The following NDUFAF6 variants were observed in gnomAD, a reference collection of about 807,000 sequenced individuals.
NDUFAF6 encodes NADH dehydrogenase (ubiquinone) complex I, assembly factor 6.
A neutral mutation model predicts 40.8 loss-of-function variants in NDUFAF6; 45 were observed. The ratio of observed to expected loss-of-function variants is 1.10; its 90% confidence interval spans 0.87 to 1.42. NDUFAF6 has a LOEUF of 1.42. Among genes scored for constraint, NDUFAF6 ranks in the 40% most tolerant of loss-of-function variants. The probability of loss-of-function intolerance (pLI) is 0.00; values close to 1 mark genes in which losing one functional copy is unlikely to be tolerated. For missense variants in NDUFAF6, 435 were observed against 418.5 expected, an observed-to-expected ratio of 1.04 and a Z score of -0.34; for synonymous variants, 185 against 155.9, an observed-to-expected ratio of 1.19 and a Z score of -1.39.
chr8:94,992,817 TA>T (rs1826254679), intron 2 of NDUFAF6, among the ~76,000 whole-genome samples: 1 of 152,186 alleles, frequency 6.6e-6, no homozygotes, highest in Non-Finnish European at 1.5e-5. Flanking sequence ...TCTCTTGCCT[TA>T]AAAAACAGGC....
downstream of NDUFAF6, among the ~76,000 whole-genome samples, chr8:95,062,594 A>G (rs1832598966): frequency 6.6e-6 from 1 of 152,216 alleles, no homozygotes; most frequent in South Asian, 2.1e-4. Context: ...TGCTTACTCT[A>G]AATACTTGTG....
chr8:95,036,251 A>C, intron 3 of NDUFAF6: 1 of 1,208,122 alleles, frequency 8.3e-7, no homozygotes, highest in South Asian at 1.4e-5. Context: ...TGAGAGGAGG[A>C]AGGGAATTAG....
downstream of NDUFAF6, among the ~76,000 whole-genome samples, chr8:95,117,907 G>A (rs1233793525): frequency 6.6e-6 from 1 of 152,212 alleles, no homozygotes; most frequent in Non-Finnish European, 1.5e-5. Flanking sequence ...TGATTTCCAT[G>A]TGTTCAAACT....
intron 2 of NDUFAF6, among the ~76,000 whole-genome samples, chr8:95,083,766 A>T (rs942416367): frequency 3.3e-5 from 5 of 152,232 alleles, no homozygotes; most frequent in African/African-American, 1.2e-4. Flanking sequence ...ATTTCTAAAT[A>T]ACTGTAACAA....
chr8:95,107,288 C>T (rs1041594191), downstream of NDUFAF6, among the ~76,000 whole-genome samples: 2 of 152,160 alleles, frequency 1.3e-5, no homozygotes, highest in Admixed American at 6.5e-5. Flanking sequence ...CCATGGAATA[C>T]TATACAGCCA....
intron 2 of NDUFAF6, among the ~76,000 whole-genome samples, chr8:95,001,239 C>A (rs1407893983): frequency 1.3e-5 from 2 of 152,082 alleles, no homozygotes; most frequent in African/African-American, 4.8e-5. Context: ...CAGGAGTGAA[C>A]CACTGTGCCT....
intron 2 of NDUFAF6, among the ~76,000 whole-genome samples, chr8:95,011,098 G>C (rs1210784781): frequency 6.6e-6 from 1 of 152,224 alleles, no homozygotes; most frequent in African/African-American, 2.4e-5. Flanking sequence ...TCCTTAGGGA[G>C]CTGTAAACGG....
intron 4 of NDUFAF6, among the ~76,000 whole-genome samples, chr8:95,109,574 T>TTAGA (rs1428986832): frequency 2.4e-5 from 1 of 42,434 alleles, no homozygotes; most frequent in African/African-American, 1.4e-4. Flanking sequence ...AGATGTAGCG[T>TTAGA]TAGATAGATA....
At chr8:95,004,210 AGCT>A (rs1826858438) in intron 2 of NDUFAF6, among the ~76,000 whole-genome samples, 1 of 152,046 alleles carries the variant, frequency 6.6e-6, no homozygotes, top group South Asian at 2.1e-4. Flanking sequence ...TGAGTTTCTG[AGCT>A]GCCTCCCTTC....
At chr8:94,904,209 T>C (rs967292662) in intron 1 of NDUFAF6, among the ~76,000 whole-genome samples, 5 of 151,572 alleles carry the variant, frequency 3.3e-5, no homozygotes, top group Non-Finnish European at 7.4e-5. Context: ...AGTGGCGCGA[T>C]CTCGGCTCAC....
At position 94,990,198 on chromosome 8, in the gene NDUFAF6, T is replaced by C. The variant is rs76228919; in HGVS notation, c.-84+9225T>C. Among the ~76,000 whole-genome samples the C allele has an allele frequency of 9.0e-3, 1,373 of 152,354 alleles. 20 individuals are homozygous for C. Among genetic ancestry groups the C allele is most frequent in the African/African-American group, 0.031 (1,287 of 41,582 alleles). On this transcript the variant is annotated intron_variant, in intron 2 of 9. Coordinates refer to the NDUFAF6 transcript ENST00000396111. ...TGACTGTGGAGCAAGCTGAGAGGTC[T>C]GCTTTGCTGAAAGACAAGGACAACA...
chr8:94,987,850 T>G (rs1446555937), intron 2 of NDUFAF6, among the ~76,000 whole-genome samples: 1 of 152,270 alleles, frequency 6.6e-6, no homozygotes, highest in African/African-American at 2.4e-5. Flanking sequence ...CCTGGCTTAC[T>G]AGGCTGGTGT....
chr8:95,085,680 A>G (rs905457313), intron 2 of NDUFAF6: 26 of 151,842 alleles, frequency 1.7e-4, no homozygotes, highest in Non-Finnish European at 1.0e-4. Context: ...AAAAAAAAAA[A>G]AAATTTTAAG....
intron 2 of NDUFAF6, among the ~76,000 whole-genome samples, chr8:95,017,719 T>C (rs1438321108): frequency 6.6e-6 from 1 of 152,188 alleles, no homozygotes; most frequent in Non-Finnish European, 1.5e-5. Flanking sequence ...CCCTACAAAT[T>C]GGATAGGTAG....
chr8:95,003,717 T>A (rs1826836780), intron 2 of NDUFAF6, among the ~76,000 whole-genome samples: 1 of 152,206 alleles, frequency 6.6e-6, no homozygotes, highest in Admixed American at 6.5e-5. Context: ...CTGCAAACAT[T>A]CTTTTCCCTG....
chr8:95,046,434 T>C (rs907285636), intron 5 of NDUFAF6, among the ~76,000 whole-genome samples: 3 of 152,344 alleles, frequency 2.0e-5, no homozygotes, highest in South Asian at 4.1e-4. Flanking sequence ...TCTCTGACTT[T>C]GTTGCCAGTT....
chr8:94,962,180 G>A (rs1823632894), intron 1 of NDUFAF6, among the ~76,000 whole-genome samples: 3 of 152,220 alleles, frequency 2.0e-5, no homozygotes, highest in Admixed American at 2.0e-4. Flanking sequence ...CCCAGAACAG[G>A]TACACAATGC....
At chr8:95,025,474 C>T (rs1030887763) in intron 1 of NDUFAF6, among the ~76,000 whole-genome samples, 2 of 152,200 alleles carry the variant, frequency 1.3e-5, no homozygotes, top group Admixed American at 1.3e-4. Flanking sequence ...CCGAATTCAG[C>T]GTTTTTGCAT....
At chr8:94,924,092 G>A (rs1055199001) in intron 1 of NDUFAF6, among the ~76,000 whole-genome samples, 2 of 151,906 alleles carry the variant, frequency 1.3e-5, no homozygotes, top group Non-Finnish European at 2.9e-5. Flanking sequence ...ACGTAGTCTC[G>A]CTCTGTCGCC....
Sources: gnomAD v4.1 joint callset for allele counts (sites outside exome capture counted in the v4.1 genomes callset) on GRCh38, gnomAD v4.1.1 for gene constraint, MANE v1.5 for transcripts, NCBI Gene and HGNC (gene_info 2026-07-23, HGNC 2026-07-21) for gene names.